Variants in NRG2 observed in about 807,000 individuals in gnomAD.
NRG2 encodes the protein pro-neuregulin-2, membrane-bound isoform.
In NRG2, 27 loss-of-function variants were observed where a neutral mutation model predicts 73.9. The ratio of observed to expected loss-of-function variants is 0.37; its 90% CI spans 0.27 to 0.50. NRG2 has a LOEUF of 0.50. Ranked by LOEUF, NRG2 falls within the 20% of genes least tolerant of loss-of-function variation. The pLI is 0.96. For missense variants in NRG2, 1,126 were observed against 1,210.1 expected, an observed-to-expected ratio of 0.93 and a Z score of 1.03; for synonymous variants, 532 against 541.0, an observed-to-expected ratio of 0.98 and a Z score of 0.23.
chr5:140,011,636 C>T (rs1461529063), intron 1 of NRG2, among the ~76,000 whole-genome samples: 2 of 152,112 alleles, frequency 1.3e-5, no homozygotes, highest in African/African-American at 2.4e-5. Flanking sequence ...CAACAGCCAT[C>T]GAGGACCTGA....
intron 1 of NRG2, among the ~76,000 whole-genome samples, chr5:139,987,342 TG>T (rs1222847853): frequency 8.3e-6 from 1 of 121,014 alleles, no homozygotes; most frequent in Non-Finnish European, 1.6e-5. Context: ...CGCTCCAGCC[TG>T]GGTGACAGAG....
At chr5:139,997,954 A>T (rs1758146892) in intron 1 of NRG2, among the ~76,000 whole-genome samples, 1 of 152,208 alleles carries the variant, frequency 6.6e-6, no homozygotes, top group African/African-American at 2.4e-5. Flanking sequence ...TTTGTTAAAC[A>T]CTTGCTCTGG....
chr5:139,883,216 T>C (rs1226234219), intron 2 of NRG2, among the ~76,000 whole-genome samples: 3 of 151,700 alleles, frequency 2.0e-5, no homozygotes, highest in African/African-American at 7.3e-5. Context: ...TGCCCTGAGA[T>C]GGTGACCACG....
chr5:139,989,343 T>C (rs1196466120), intron 1 of NRG2, among the ~76,000 whole-genome samples: 1 of 151,984 alleles, frequency 6.6e-6, no homozygotes, highest in East Asian at 1.9e-4. Flanking sequence ...ATTCTTCACA[T>C]AGCAGTCAGA....
At chr5:139,914,359 C>A (rs1751081645) in intron 1 of NRG2, among the ~76,000 whole-genome samples, 1 of 152,118 alleles carries the variant, frequency 6.6e-6, no homozygotes, top group Non-Finnish European at 1.5e-5. Flanking sequence ...GCCCTCAGGT[C>A]TTTCTCTGTC....
intron 2 of NRG2, among the ~76,000 whole-genome samples, chr5:139,883,192 T>C (rs927980416): frequency 6.6e-6 from 1 of 152,070 alleles, no homozygotes; most frequent in African/African-American, 2.4e-5. Flanking sequence ...TCCCATCACA[T>C]GCTGACCCAA....
rs1166667550 is a variant in NRG2, at chr5:140,038,549, G to A, written c.700+3821C>T. 2.0e-5 allele frequency among the ~76,000 whole-genome samples: 3 copies of A among 152,302 alleles called. No individual in the cohort carries two copies. In the South Asian group the frequency reaches 6.2e-4, roughly 32 times the overall value. On this transcript the variant is annotated intron_variant, in intron 1 of 9. Coordinates refer to ENST00000361474, the MANE Select transcript of NRG2 (RefSeq NM_004883.3). ...TCATCAAACTCAGCTTTTCAGCACA[G>A]GACTTGATGTCACAGGTCAGAGAGT...
Position 140,043,107 on chromosome 5 carries a change from C to T in NRG2, c.-38G>A. On this transcript the variant is annotated 5_prime_UTR_variant, in exon 1 of 10. Transcript: ENST00000361474. This position sits in a 1 kb window ranked among gnomAD's most constrained non-coding sequence, Gnocchi z 6.7. ...TTTGGGGGGCTCCGCCGCTCAGCCG[C>T]CGCCGCCTTGGGAGGGGAAACAGAG... The T allele has an allele frequency of 1.3e-6, 2 of 1,568,374 alleles. No individual in the cohort carries two copies. The highest frequency in any genetic ancestry group is 2.4e-5 in the East Asian group (1 of 42,142).
chr5:139,848,735 C>A, intron 9 of NRG2, 38 bp from the exon 10 acceptor site: 2 of 776,588 alleles, frequency 2.6e-6, no homozygotes, highest in Admixed American at 1.1e-4. Context: ...AGGGCCAGGC[C>A]GGGCCGGCGC....
intron 1 of NRG2, among the ~76,000 whole-genome samples, chr5:140,027,775 G>T (rs1760817482): frequency 6.6e-6 from 1 of 152,142 alleles, no homozygotes; most frequent in African/African-American, 2.4e-5. Flanking sequence ...GCATGGATTG[G>T]GGGGACTACT....
intron 1 of NRG2, among the ~76,000 whole-genome samples, chr5:139,983,948 A>G (rs1756988580): frequency 6.6e-6 from 1 of 152,206 alleles, no homozygotes; most frequent in African/African-American, 2.4e-5. Flanking sequence ...ATTCAACTGC[A>G]CTACCCTGCG....
At chr5:140,039,095 A>G (rs1384941833) in intron 1 of NRG2, among the ~76,000 whole-genome samples, 19 of 152,244 alleles carry the variant, frequency 1.2e-4, no homozygotes, top group Admixed American at 1.2e-3. Flanking sequence ...GTAGCAACAA[A>G]GTACACTATA....
intron 5 of NRG2, among the ~76,000 whole-genome samples, chr5:139,863,240 T>G (rs1762265267): frequency 1.3e-5 from 2 of 152,272 alleles, no homozygotes. Flanking sequence ...GCATTTTTAC[T>G]GAGGTCTCTT....
At chr5:139,931,209 A>G (rs921850914) in intron 1 of NRG2, among the ~76,000 whole-genome samples, 8 of 152,356 alleles carry the variant, frequency 5.3e-5, no homozygotes, top group African/African-American at 1.7e-4. Context: ...AGGGAACTCA[A>G]TGTACTGATA....
In NRG2 at chr5:139,848,631, C is replaced by T. The variant is rs766544785; in HGVS notation, c.1839G>A (p.Thr613=). The T allele has an allele frequency of 6.3e-7, 1 of 1,577,284 alleles. No homozygotes were observed. The highest frequency in any genetic ancestry group is 8.5e-7 in the Non-Finnish European group (1 of 1,171,210). The part of the protein sequence containing the change: ...SPVDFHYSLA[T]QVPTFEITSP... ...ACGTGATCTCGAAAGTTGGCACCTG[C>T]GTGGCCAGCGAGTAGTGGAAGTCCA... Residue 613 remains threonine, a synonymous_variant, in exon 10 of 10, where the codon ACG becomes ACA. Transcript: ENST00000361474.
chr5:139,922,174 C>T (rs550278593), intron 1 of NRG2, among the ~76,000 whole-genome samples: 4 of 151,624 alleles, frequency 2.6e-5, no homozygotes, highest in African/African-American at 9.7e-5. Flanking sequence ...GCAAAGGACA[C>T]ATCTAATAAA....
intron 1 of NRG2, among the ~76,000 whole-genome samples, chr5:139,940,088 C>G (rs188806783): frequency 2.6e-5 from 4 of 152,280 alleles, no homozygotes; most frequent in Admixed American, 2.6e-4. Context: ...TTCCTTCAAC[C>G]CTGCCATGCT....
chr5:140,001,401 T>C (rs964076188), intron 1 of NRG2, among the ~76,000 whole-genome samples: 3 of 152,170 alleles, frequency 2.0e-5, no homozygotes, highest in Admixed American at 1.3e-4. Flanking sequence ...AATTTGAAAA[T>C]ACAGATCATG....
chr5:139,935,733 G>A (rs973367378), intron 1 of NRG2, among the ~76,000 whole-genome samples: 11 of 152,100 alleles, frequency 7.2e-5, no homozygotes, highest in African/African-American at 2.2e-4. Flanking sequence ...GCCGAGGTGG[G>A]TGGATCACTT....
Sources: allele counts gnomAD v4.1 joint callset (sites outside exome capture counted in the v4.1 genomes callset), GRCh38; gene constraint gnomAD v4.1.1; non-coding constraint Gnocchi (gnomAD v3.1); transcripts MANE v1.5; gene names NCBI Gene and HGNC (gene_info 2026-07-23, HGNC 2026-07-21).